Variants in SPAG16 observed in about 807,000 individuals in gnomAD.
The protein encoded by SPAG16 is sperm associated antigen 16.
Under a neutral mutation model 80.4 loss-of-function variants are expected in SPAG16, and 86 were observed. The observed-to-expected ratio is 1.07, with a 90% CI of 0.90 to 1.28. The LOEUF (loss-of-function observed/expected upper bound fraction) is 1.28, where lower values mean the gene tolerates loss of function less well. Ranked by LOEUF, SPAG16 falls within the 50% of genes most tolerant of loss-of-function variation. SPAG16 has a pLI of 0.00. For missense variants in SPAG16, 870 were observed against 765.3 expected, an observed-to-expected ratio of 1.14 and a Z score of -1.61; for synonymous variants, 294 against 265.9, an observed-to-expected ratio of 1.11 and a Z score of -1.03.
chr2:214,070,343 G>T (rs1226177533), intron 13 of SPAG16, among the ~76,000 whole-genome samples: 2 of 151,742 alleles, frequency 1.3e-5, no homozygotes, highest in African/African-American at 2.4e-5. Context: ...ATTCTTGTTT[G>T]TTTACAACAA....
intron 15 of SPAG16, among the ~76,000 whole-genome samples, chr2:214,275,389 AG>A (rs1405291645): frequency 1.3e-5 from 2 of 152,190 alleles, no homozygotes; most frequent in Non-Finnish European, 2.9e-5. Context: ...TTGTGAAGTT[AG>A]GGTGCCAATT....
chr2:213,321,411 A>T (rs1211473082), intron 5 of SPAG16, among the ~76,000 whole-genome samples: 7 of 152,166 alleles, frequency 4.6e-5, no homozygotes, highest in African/African-American at 1.7e-4. Flanking sequence ...AGTGTTATTA[A>T]TTTCTATGGA....
At chr2:214,311,074 G>C (rs1490574490) in intron 15 of SPAG16, among the ~76,000 whole-genome samples, 2 of 152,204 alleles carry the variant, frequency 1.3e-5, no homozygotes, top group East Asian at 3.9e-4. Flanking sequence ...GACAGTGGGA[G>C]ATCCATTTCT....
intron 15 of SPAG16, among the ~76,000 whole-genome samples, chr2:214,405,806 A>G (rs886787953): frequency 1.3e-4 from 20 of 152,206 alleles, no homozygotes; most frequent in African/African-American, 4.6e-4. Context: ...TCAAAAATAA[A>G]TAAATAAAGA....
intron 10 of SPAG16, among the ~76,000 whole-genome samples, chr2:213,733,522 T>A (rs1559420227): frequency 7.0e-6 from 1 of 143,648 alleles, no homozygotes; most frequent in African/African-American, 2.6e-5. Flanking sequence ...TTTTTTTTGG[T>A]GTGTGTCTTC....
intron 10 of SPAG16, among the ~76,000 whole-genome samples, chr2:213,662,346 A>G (rs1200110346): frequency 6.6e-6 from 1 of 152,172 alleles, no homozygotes; most frequent in African/African-American, 2.4e-5. Context: ...TGGAAAGTGA[A>G]CACAGAATAT....
At chr2:213,886,781 A>C (rs184576393) in intron 11 of SPAG16, among the ~76,000 whole-genome samples, 2 of 152,268 alleles carry the variant, frequency 1.3e-5, no homozygotes, top group Admixed American at 1.3e-4. Context: ...AACCAAAAAA[A>C]ATGAATCAAA....
chr2:213,589,104 T>C (rs1197551234), intron 10 of SPAG16, among the ~76,000 whole-genome samples: 2 of 152,152 alleles, frequency 1.3e-5, no homozygotes, highest in Non-Finnish European at 2.9e-5. Context: ...TTGATTACAT[T>C]TTACAATACT....
chr2:214,018,271 CA>C (rs536372921), intron 13 of SPAG16, among the ~76,000 whole-genome samples: 3 of 151,016 alleles, frequency 2.0e-5, no homozygotes, highest in Non-Finnish European at 2.9e-5. Flanking sequence ...CAAAACAAAA[CA>C]AAAAAACTTT....
intron 15 of SPAG16, among the ~76,000 whole-genome samples, chr2:214,155,636 G>T (rs940512244): frequency 6.6e-6 from 1 of 152,042 alleles, no homozygotes; most frequent in African/African-American, 2.4e-5. Context: ...CCATGCCTGA[G>T]GGTAGCCTAA....
chr2:213,915,327 C>T (rs772907664), intron 11 of SPAG16, among the ~76,000 whole-genome samples: 16 of 151,760 alleles, frequency 1.1e-4, no homozygotes, highest in East Asian at 1.9e-4. Context: ...CCCCTCCCTG[C>T]GTCCATGTGT....
At chr2:214,234,437 G>C (rs1688935398) in intron 15 of SPAG16, among the ~76,000 whole-genome samples, 3 of 152,028 alleles carry the variant, frequency 2.0e-5, no homozygotes, top group African/African-American at 7.2e-5. Context: ...TGCTATTTCT[G>C]GTTCTAGGTC....
chr2:213,984,284 G>A (rs2045902020), intron 12 of SPAG16, among the ~76,000 whole-genome samples: 2 of 151,952 alleles, frequency 1.3e-5, no homozygotes, highest in African/African-American at 2.4e-5. Context: ...TTATGATTTA[G>A]GGAACAAAAT....
At chr2:213,905,254 A>G (rs556885141) in intron 11 of SPAG16, among the ~76,000 whole-genome samples, 1 of 152,330 alleles carries the variant, frequency 6.6e-6, no homozygotes, top group East Asian at 1.9e-4. Flanking sequence ...CCAAAAAAAA[A>G]TTATGTGGTT....
At chr2:213,422,815 A>G (rs528826977) in intron 9 of SPAG16, among the ~76,000 whole-genome samples, 1 of 152,336 alleles carries the variant, frequency 6.6e-6, no homozygotes, top group Non-Finnish European at 1.5e-5. Flanking sequence ...CATTTTTCCC[A>G]TCTTTGTGTA....
intron 13 of SPAG16, among the ~76,000 whole-genome samples, chr2:214,050,326 A>C (rs2049575781): frequency 6.6e-6 from 1 of 151,716 alleles, no homozygotes; most frequent in South Asian, 2.1e-4. Flanking sequence ...TATCTTGCGG[A>C]TCCCAGGACT....
intron 15 of SPAG16, among the ~76,000 whole-genome samples, chr2:214,308,369 G>A (rs900014301): frequency 6.6e-6 from 1 of 151,926 alleles, no homozygotes; most frequent in African/African-American, 2.4e-5. Context: ...TTTTAATTAG[G>A]GCATTTAGTC....
chr2:213,904,542 A>G (rs569465034), intron 11 of SPAG16, among the ~76,000 whole-genome samples: 6 of 147,168 alleles, frequency 4.1e-5, no homozygotes, highest in East Asian at 2.1e-4. Flanking sequence ...ACAATTCAAG[A>G]TGAGATTTGG....
chr2:213,734,487 G>A (rs2125435035), intron 10 of SPAG16, among the ~76,000 whole-genome samples: 1 of 152,274 alleles, frequency 6.6e-6, no homozygotes. Flanking sequence ...TATAAAATAT[G>A]CTGCTAAATA....
Sources: gnomAD v4.1 joint callset for allele counts (sites outside exome capture counted in the v4.1 genomes callset) on GRCh38, gnomAD v4.1.1 for gene constraint, MANE v1.5 for transcripts, NCBI Gene and HGNC (gene_info 2026-07-23, HGNC 2026-07-21) for gene names.